CNBD1: variants seen among roughly 807,000 people sequenced by gnomAD.
The protein encoded by CNBD1 is cyclic nucleotide-binding domain-containing protein 1.
CNBD1 carries 71 observed loss-of-function variants against 54.4 expected under a neutral mutation model. That is an observed-to-expected ratio of 1.30 (90% CI 1.08 to 1.59). The LOEUF is 1.59. Among genes scored for constraint, CNBD1 ranks in the 40% most tolerant of loss-of-function variants. CNBD1 has a pLI of 0.00. For missense variants in CNBD1, 659 were observed against 518.0 expected, an observed-to-expected ratio of 1.27 and a Z score of -2.64; for synonymous variants, 182 against 170.7, an observed-to-expected ratio of 1.07 and a Z score of -0.51.
chr8:87,353,063 A>G (rs1164883787), intron 9 of CNBD1, among the ~76,000 whole-genome samples: 1 of 152,200 alleles, frequency 6.6e-6, no homozygotes. Context: ...ATTCATATTG[A>G]ACATCCTGTA....
chr8:87,249,877 G>A (rs1305103878), intron 6 of CNBD1, among the ~76,000 whole-genome samples: 1 of 152,146 alleles, frequency 6.6e-6, no homozygotes, highest in Non-Finnish European at 1.5e-5. Context: ...ACTGTTAGAA[G>A]AAATCATTGG....
At chr8:87,178,122 A>G (rs951702276) in intron 4 of CNBD1, among the ~76,000 whole-genome samples, 3 of 152,148 alleles carry the variant, frequency 2.0e-5, no homozygotes, top group Non-Finnish European at 2.9e-5. Flanking sequence ...CACGTTCTAA[A>G]TGCCAGACAC....
intron 4 of CNBD1, among the ~76,000 whole-genome samples, chr8:87,180,514 A>C (rs1813289764): frequency 6.6e-6 from 1 of 152,188 alleles, no homozygotes; most frequent in Non-Finnish European, 1.5e-5. Context: ...TCACCTGTAC[A>C]ATGACTAAGA....
At chr8:87,315,311 C>T (rs1809361188) in intron 8 of CNBD1, among the ~76,000 whole-genome samples, 1 of 152,012 alleles carries the variant, frequency 6.6e-6, no homozygotes, top group South Asian at 2.1e-4. Flanking sequence ...TATTTTCTTA[C>T]CTCTGGTATC....
intron 4 of CNBD1, among the ~76,000 whole-genome samples, chr8:87,108,685 T>C (rs1811594766): frequency 6.6e-6 from 1 of 152,314 alleles, no homozygotes; most frequent in East Asian, 1.9e-4. Flanking sequence ...GGAAATGCGA[T>C]AATTTTATTT....
rs1035240360 is a variant in CNBD1, at chr8:87,369,780, G to A, written c.1304-12840G>A. On this transcript the variant is annotated intron_variant, in intron 10 of 10. Transcript: ENST00000518476. Reference sequence around the variant, plus strand: ...TAGGGTACATGTGCACAATGTGCCGGTTAGTTACATATGTATACATGCGCC... The same window carrying A: ...TAGGGTACATGTGCACAATGTGCCGATTAGTTACATATGTATACATGCGCC... 4.0e-5 allele frequency among the ~76,000 whole-genome samples: 6 copies of A among 151,802 alleles called. No homozygotes were observed. The South Asian group carries it at 1.2e-3, about 32-fold the overall frequency.
chr8:87,178,677 C>G (rs769691550), intron 4 of CNBD1, among the ~76,000 whole-genome samples: 4 of 152,120 alleles, frequency 2.6e-5, no homozygotes, highest in Non-Finnish European at 4.4e-5. Context: ...TAAGAGAGTA[C>G]TACATTAATC....
chr8:87,243,851 T>C (rs1277391733), intron 6 of CNBD1, among the ~76,000 whole-genome samples: 1 of 152,100 alleles, frequency 6.6e-6, no homozygotes, highest in Non-Finnish European at 1.5e-5. Context: ...AATATATATA[T>C]GCAGTGAAAA....
chr8:87,207,803 A>G (rs1265431543), intron 5 of CNBD1, among the ~76,000 whole-genome samples: 1 of 152,218 alleles, frequency 6.6e-6, no homozygotes, highest in Non-Finnish European at 1.5e-5. Context: ...AGTGTCAGGT[A>G]TTCCAACTTG....
Position 87,393,098 on chromosome 8 carries a change from T to C in CNBD1, c.214-35448T>C, listed in dbSNP as rs147818142. On this transcript the variant is annotated intron_variant, in intron 2 of 7. Coordinates refer to the CNBD1 transcript ENST00000521593. ...TATGAGGATGTCATTTACTGGAATCTAAAAGATTGAAAGTAGAGTAATTTT... is the reference window on the plus strand; with the variant it reads ...TATGAGGATGTCATTTACTGGAATCCAAAAGATTGAAAGTAGAGTAATTTT... Among the ~76,000 whole-genome samples, 668 of 151,916 alleles carry C rather than the reference T, an allele frequency of 4.4e-3. 1 individual carries two copies. Among genetic ancestry groups the C allele is most frequent in the Non-Finnish European group, 6.3e-3 (428 of 67,908 alleles).
At chr8:87,344,880 AG>A (rs1381489144) in intron 8 of CNBD1, among the ~76,000 whole-genome samples, 1 of 152,144 alleles carries the variant, frequency 6.6e-6, no homozygotes, top group Non-Finnish European at 1.5e-5. Flanking sequence ...TGTTAGGATG[AG>A]GTAACTAATC....
intron 4 of CNBD1, among the ~76,000 whole-genome samples, chr8:87,180,325 A>G (rs1334416962): frequency 2.0e-5 from 3 of 152,190 alleles, no homozygotes; most frequent in Admixed American, 1.3e-4. Context: ...TGGAAAATAC[A>G]TATTATATAT....
intron 10 of CNBD1, among the ~76,000 whole-genome samples, chr8:87,382,085 A>G (rs1811088513): frequency 6.6e-6 from 1 of 151,978 alleles, no homozygotes; most frequent in South Asian, 2.1e-4. Flanking sequence ...TTAAAAAACT[A>G]TAAAAATGTT....
intron 6 of CNBD1, among the ~76,000 whole-genome samples, chr8:87,253,763 A>C (rs1436141020): frequency 6.6e-6 from 1 of 152,210 alleles, no homozygotes; most frequent in East Asian, 1.9e-4. Context: ...AAGAAAGTAC[A>C]GTTGCCATTG....
intron 2 of CNBD1, among the ~76,000 whole-genome samples, chr8:87,408,045 A>T (rs1807679741): frequency 6.6e-6 from 1 of 151,552 alleles, no homozygotes; most frequent in Non-Finnish European, 1.5e-5. Flanking sequence ...ATTTCTGTTC[A>T]CTCCATTGTT....
chr8:87,286,209 T>A (rs960714584), intron 7 of CNBD1, among the ~76,000 whole-genome samples: 2 of 152,204 alleles, frequency 1.3e-5, no homozygotes, highest in African/African-American at 4.8e-5. Context: ...ATTTCCCAAA[T>A]ATCAGTACCA....
intron 10 of CNBD1, among the ~76,000 whole-genome samples, chr8:87,380,402 C>G (rs1290711535): frequency 6.6e-6 from 1 of 151,846 alleles, no homozygotes; most frequent in Non-Finnish European, 1.5e-5. Context: ...CAATACCATA[C>G]TGTTTTGATT....
At chr8:87,411,025 A>C (rs1807732100) in intron 2 of CNBD1, among the ~76,000 whole-genome samples, 1 of 152,076 alleles carries the variant, frequency 6.6e-6, no homozygotes, top group South Asian at 2.1e-4. Context: ...AGTATTGTTT[A>C]AACATAACTT....
intron 5 of CNBD1, among the ~76,000 whole-genome samples, chr8:87,207,299 A>G: frequency 6.6e-6 from 1 of 152,172 alleles, no homozygotes; most frequent in East Asian, 1.9e-4. Flanking sequence ...GGCTATACAT[A>G]TTTTGATATA....
Sources: gnomAD v4.1 joint callset for allele counts (sites outside exome capture counted in the v4.1 genomes callset) on GRCh38, gnomAD v4.1.1 for gene constraint, MANE v1.5 for transcripts, NCBI Gene and HGNC (gene_info 2026-07-23, HGNC 2026-07-21) for gene names.